EIF2B2: variants seen among roughly 807,000 people sequenced by gnomAD.
EIF2B2 encodes translation initiation factor eIF2B subunit beta.
A neutral mutation model predicts 34.7 loss-of-function variants in EIF2B2; 34 were observed. That is an observed-to-expected ratio of 0.98 (90% CI 0.75 to 1.31). The LOEUF (loss-of-function observed/expected upper bound fraction) is 1.31, where lower values mean the gene tolerates loss of function less well. Among genes scored for constraint, EIF2B2 ranks in the 50% most tolerant of loss-of-function variants. EIF2B2 has a pLI of 0.00. For missense variants in EIF2B2, 361 were observed against 447.7 expected (o/e 0.81, Z 1.75); for synonymous variants, 155 against 171.6 (o/e 0.90, Z 0.76).
Position 75,009,015 on chromosome 14 carries a change from T to C in EIF2B2, c.899-16T>C. 1 of 1,614,046 alleles carries C rather than the reference T, an allele frequency of 6.2e-7. No homozygotes were observed. The highest frequency in any genetic ancestry group is 8.5e-7 in the Non-Finnish European group (1 of 1,179,964). ...GAGCCTCAGTTTTACCTTTAGCATG[T>C]GTGCTTGCCTTTCAGGGGACATTCT... On this transcript the variant is annotated splice_polypyrimidine_tract_variant and intron_variant, in intron 7 of 7. Coordinates refer to ENST00000266126, the MANE Select transcript of EIF2B2 (RefSeq NM_014239.4).
Position 75,011,712 on chromosome 14 carries a change from G to A in EIF2B2, c.*2524G>A, listed in dbSNP as rs981302766. On this transcript the variant is annotated 3_prime_UTR_variant, in exon 8 of 8. Transcript: ENST00000266126. Reference sequence around the variant, plus strand: ...TTTCTTAAAGCATCTAAGACCCCACGCTTTCTCAGTGAAGTGGCTTGTAGC... The same window carrying A: ...TTTCTTAAAGCATCTAAGACCCCACACTTTCTCAGTGAAGTGGCTTGTAGC... 3 of 152,138 alleles carry A rather than the reference G, an allele frequency of 2.0e-5. No homozygotes were observed. Among genetic ancestry groups the A allele is most frequent in the South Asian group, 2.1e-4 (1 of 4,822 alleles). 9.4% of individuals were successfully genotyped at this position (152,138 alleles called of 1,614,324 possible).
At position 75,003,611 on chromosome 14, in the gene EIF2B2, C is replaced by T. The variant is rs779349624; in HGVS notation, c.345C>T (p.Ser115=). ...QQESLHKLLT[S]GGLNEDFSFH... is the part of the protein sequence containing the mutation. ...AGTCCCTGCACAAACTGTTGACATC[C>T]GGAGGCCTAAACGAGGATTTCAGCT... Residue 115 remains serine (S), a synonymous_variant, in exon 3 of 8, where the codon TCC becomes TCT. Transcript: ENST00000266126. The T allele has an allele frequency of 6.2e-7, 1 of 1,614,166 alleles. No homozygotes were observed. The highest frequency in any genetic ancestry group is 1.1e-5 in the South Asian group (1 of 91,078).
At chr14:75,004,666 C>CATTT (rs1555385390) in intron 3 of EIF2B2, 71 bp from the exon 4 acceptor site, 2 of 184,106 alleles carry the variant, frequency 1.1e-5, no homozygotes, top group African/African-American at 1.6e-4. Context: ...ATAGCAATTT[C>CATTT]ATATATATAT....
At chr14:75,008,890 TC>T (rs1889664690) in intron 7 of EIF2B2, 140 bp from the exon 8 acceptor site, 1 of 990,538 alleles carries the variant, frequency 1.0e-6, no homozygotes, top group South Asian at 1.3e-5. Flanking sequence ...TGAAGTCATC[TC>T]TTCTGGTTTG....
rs1161107745 is a variant in EIF2B2, at chr14:75,011,764, C to T, written c.*2576C>T. 3.9e-5 allele frequency: 6 copies of T among 152,156 alleles called. No individual in the cohort carries two copies. The highest frequency in any genetic ancestry group is 1.4e-4 in the African/African-American group (6 of 41,436). The allele number at this position is 152,156 out of a possible 1,614,324, so 9.4% of individuals were successfully genotyped here. The stretch of plus-strand genomic sequence containing the variant: ...ACCAATTACGAGCAATTGTCTCCTC[C>T]AAAGGCACCAATTCTAACAGCAATT... On this transcript the variant is annotated 3_prime_UTR_variant, in exon 8 of 8. Transcript: ENST00000266126.
In EIF2B2 at chr14:75,003,667, T is replaced by C. The variant is rs201622896; in HGVS notation, c.401T>C (p.Ile134Thr). 1.2e-5 allele frequency: 20 copies of C among 1,614,114 alleles called. No homozygotes were observed. The East Asian group carries it at 4.0e-4, about 32-fold the overall frequency. ...TATGCCCAACTCCAGTCCAACATCA[T>C]TGAGGCGATTAATGAGCTGCTAGTG... ...FHYAQLQSNI[I>T]EAINELLVEL... Residue 134 changes from isoleucine to threonine, a missense_variant, in exon 3 of 8, where the codon ATT (isoleucine) becomes ACT (threonine). By Grantham distance (89) the Ile-to-Thr change is moderately conservative (BLOSUM62 -1). Coordinates refer to ENST00000266126, the MANE Select transcript of EIF2B2 (RefSeq NM_014239.4).
rs764926377 is a variant in EIF2B2 at position 75,004,690 on chromosome 14, T to TATATATATATA, written c.434-47_434-46insATATATATATA. On this transcript the variant is annotated intron_variant, in intron 3 of 7. Transcript: ENST00000266126. ...TCATATATATATATATATATATATA[T>TATATATATATA]TTTTTTTTTTTTTTTTTTTTTTTTT... The TATATATATATA allele has an allele frequency of 3.3e-4, 30 of 90,576 alleles. No homozygotes were observed. In the Admixed American group the frequency reaches 0.013, roughly 41 times the overall value. 5.6% of individuals were successfully genotyped at this position (90,576 alleles called of 1,614,324 possible).
At chr14:75,004,971 G>A in intron 4 of EIF2B2, 71 bp downstream of exon 4, 2 of 1,522,136 alleles carry the variant, frequency 1.3e-6, no homozygotes, top group Non-Finnish European at 1.8e-6. Context: ...AGATGGGTAG[G>A]GCCATTCCAA....
At chr14:75,004,689 A>ATTT (rs376012405) in intron 3 of EIF2B2, 48 bp from the exon 4 acceptor site, 23 of 155,338 alleles carry the variant, frequency 1.5e-4, no homozygotes, top group African/African-American at 3.6e-4. Flanking sequence ...ATATATATAT[A>ATTT]TTTTTTTTTT....
In EIF2B2 at chr14:75,006,684, C is replaced by T. The variant is rs957599661; in HGVS notation, c.801C>T (p.Val267=). 1.4e-5 allele frequency: 22 copies of T among 1,614,092 alleles called. No individual in the cohort carries two copies. The highest frequency in any genetic ancestry group is 1.8e-5 in the Non-Finnish European group (21 of 1,180,046). ...AACACCATTCCACCCCACTCATCGT[C>T]TGTGCACCTATGTTCAAACTTTCTC... ...AAKHHSTPLI[V]CAPMFKLSPQ... is the part of the protein sequence containing the mutation. The change falls in exon 6 of 8, where the codon GTC becomes GTT. Residue 267 remains valine, a synonymous_variant. Transcript: ENST00000266126. The surrounding 1 kb of genome is among the most constrained non-coding windows in gnomAD (Gnocchi z 4.1).
At chr14:75,007,510 A>G in intron 6 of EIF2B2, 1 of 483,732 alleles carries the variant, frequency 2.1e-6, no homozygotes, top group Non-Finnish European at 3.8e-6. Flanking sequence ...AGGCTGAATA[A>G]TATTCCATTA....
At position 75,006,196 on chromosome 14, in the gene EIF2B2, T is replaced by G; in HGVS notation, c.693+235T>G. 1.9e-6 allele frequency: 1 copy of G among 519,946 alleles called. No individual in the cohort carries two copies. Among genetic ancestry groups the G allele is most frequent in the East Asian group, 3.6e-5 (1 of 27,488 alleles). The allele number at this position is 519,946 out of a possible 1,614,324, so 32.2% of individuals were successfully genotyped here. A position where few individuals can be genotyped will look rare whatever the true frequency, so the allele number is the denominator to read the frequency against. On this transcript the variant is annotated intron_variant, in intron 5 of 7. Transcript: ENST00000266126. This position sits in a 1 kb window ranked among gnomAD's most constrained non-coding sequence, Gnocchi z 4.1. The stretch of plus-strand genomic sequence containing the variant: ...TGAAGCATTGAAAAGAATGAAGTAT[T>G]AAATAGAACTAAGGCAAGAGTGTCA...
chr14:75,009,086 A>C lies in EIF2B2; in HGVS notation c.954A>C (p.Pro318=), dbSNP rs777036076. 1.9e-6 allele frequency: 3 copies of C among 1,614,018 alleles called. No individual in the cohort carries two copies. The highest frequency in any genetic ancestry group is 1.7e-5 in the Admixed American group (1 of 60,000). ...VHCPVFDYVP[P]ELITLFISNI... ...GCCCTGTGTTTGACTACGTTCCCCC[A>C]GAGCTCATTACCCTCTTTATCTCCA... Residue 318 remains proline, a synonymous_variant, in exon 8 of 8, where the codon CCA becomes CCC. Coordinates refer to ENST00000266126, the MANE Select transcript of EIF2B2 (RefSeq NM_014239.4).
Position 75,006,500 on chromosome 14 carries a change from A to G in EIF2B2, c.694-77A>G. The stretch of plus-strand genomic sequence containing the variant: ...ACGATACCAATTCTGAGGTCTAAGC[A>G]TTTAGCTTTTTGTGGCCAGTGGCCC... On this transcript the variant is annotated intron_variant, in intron 5 of 7. Transcript: ENST00000266126. This position sits in a 1 kb window ranked among gnomAD's most constrained non-coding sequence, Gnocchi z 4.1. The G allele has an allele frequency of 2.5e-6, 4 of 1,600,918 alleles. No individual in the cohort carries two copies. Among genetic ancestry groups the G allele is most frequent in the South Asian group, 1.1e-5 (1 of 90,936 alleles).
chr14:75,003,334 G>C lies in EIF2B2; in HGVS notation c.223G>C (p.Glu75Gln), dbSNP rs1273358648. The change falls in exon 2 of 8, where the codon GAG (glutamate) becomes CAG (glutamine). Residue 75 changes from glutamate to glutamine, a missense_variant. Glu to Gln is a conservative substitution (Grantham distance 29, BLOSUM62 2). Coordinates refer to ENST00000266126, the MANE Select transcript of EIF2B2 (RefSeq NM_014239.4). ...GAGGATGACGGCCGCTCAGCCCTCC[G>C]AGACCACCGTGGGCAACATGGTGCG... Reference protein sequence around the residue: ...GRRMTAAQPSETTVGNMVRRV... With the variant: ...GRRMTAAQPSQTTVGNMVRRV... The C allele has an allele frequency of 6.2e-7, 1 of 1,613,880 alleles. No homozygotes were observed. The highest frequency in any genetic ancestry group is 1.3e-5 in the African/African-American group (1 of 74,894).
At position 75,012,356 on chromosome 14, in the gene EIF2B2, G is replaced by C. The variant is rs1889719090; in HGVS notation, c.*3168G>C. The C allele has an allele frequency of 2.0e-5, 3 of 152,270 alleles. No homozygotes were observed. In the South Asian group the frequency reaches 6.2e-4, roughly 32 times the overall value. 9.4% of individuals were successfully genotyped at this position (152,270 alleles called of 1,614,324 possible). ...TTCCTCAATATGCTAAATAAACCAA[G>C]TTAGATAACAGTGCAGTTTGTAAAG... On this transcript the variant is annotated 3_prime_UTR_variant, in exon 8 of 8. Transcript: ENST00000266126.
rs760213491 is a variant in EIF2B2, at chr14:75,004,758, C to T, written c.455C>T (p.Ala152Val). The stretch of plus-strand genomic sequence containing the variant: ...ACAGAAGGGACAATGGAGAACATTG[C>T]AGCCCAGGCTCTGGAGCACATTCAC... ...VELEGTMENI[A>V]AQALEHIHSN... is the part of the protein sequence containing the mutation. The change falls in exon 4 of 8, where the codon GCA (alanine) becomes GTA (valine). Residue 152 changes from alanine to valine, a missense_variant. Transcript: ENST00000266126. 14 of 1,492,432 alleles carry T rather than the reference C, an allele frequency of 9.4e-6. No homozygotes were observed. Among genetic ancestry groups the T allele is most frequent in the Non-Finnish European group, 3.6e-6 (4 of 1,100,800 alleles). 92.4% of individuals were successfully genotyped at this position (1,492,432 alleles called of 1,614,324 possible). A position where few individuals can be genotyped will look rare whatever the true frequency, so the allele number is the denominator to read the frequency against.
In EIF2B2 at chr14:75,007,863, TTTG is replaced by T. The variant is rs1455531478; in HGVS notation, c.898+81_898+83del. The T allele has an allele frequency of 2.9e-6, 4 of 1,394,600 alleles. No homozygotes were observed. The African/African-American group carries it at 5.7e-5, about 20-fold the overall frequency. The allele number at this position is 1,394,600 out of a possible 1,614,324, so 86.4% of individuals were successfully genotyped here. A position where few individuals can be genotyped will look rare whatever the true frequency, so the allele number is the denominator to read the frequency against. On this transcript the variant is annotated intron_variant, in intron 7 of 7. Coordinates refer to ENST00000266126, the MANE Select transcript of EIF2B2 (RefSeq NM_014239.4). ...TTGTGTGTGCATGTGTTTTGGTCTT[TTTG>T]TTGTTTTGTTGGTCAGTAGAACTGA...
In EIF2B2 at chr14:75,006,430, T is replaced by C; in HGVS notation, c.694-147T>C. On this transcript the variant is annotated intron_variant, in intron 5 of 7. Coordinates refer to ENST00000266126, the MANE Select transcript of EIF2B2 (RefSeq NM_014239.4). This position sits in a 1 kb window ranked among gnomAD's most constrained non-coding sequence, Gnocchi z 4.1. ...AAACCTACTTTTAAGCTAGAACTTG[T>C]ATTGAGCCAGGGATCCCTTCACCTC... is the stretch of plus-strand genomic sequence containing the variant. 8.7e-7 allele frequency: 1 copy of C among 1,145,802 alleles called. No homozygotes were observed. Among genetic ancestry groups the C allele is most frequent in the Non-Finnish European group, 1.2e-6 (1 of 802,268 alleles). The allele number at this position is 1,145,802 out of a possible 1,614,324, so 71.0% of individuals were successfully genotyped here. A position where few individuals can be genotyped will look rare whatever the true frequency, so the allele number is the denominator to read the frequency against.
Sources: allele counts gnomAD v4.1 joint callset, GRCh38; gene constraint gnomAD v4.1.1; non-coding constraint Gnocchi (gnomAD v3.1); transcripts MANE v1.5; gene names NCBI Gene and HGNC (gene_info 2026-07-23, HGNC 2026-07-21).